The following TAS2R1 variants were observed in gnomAD, a reference collection of about 807,000 sequenced individuals.
The protein encoded by TAS2R1 is taste receptor type 2 member 1.
For synonymous variants in TAS2R1, 141 were observed against 134.2 expected (o/e 1.05, Z -0.35); for missense variants, 370 against 353.4 (o/e 1.05, Z -0.38).
rs1277619625 is a variant in TAS2R1, at chr5:9,627,412, C to T, written c.*1721G>A. ...CATTTCTTGATAACAGTATAAAAACCTAGTCATATCTTAATAGTTATCTAA... is the reference window on the plus strand; with the variant it reads ...CATTTCTTGATAACAGTATAAAAACTTAGTCATATCTTAATAGTTATCTAA... On this transcript the variant is annotated 3_prime_UTR_variant, in exon 1 of 1. Transcript: ENST00000382492. Among the ~76,000 whole-genome samples, 1 of 151,592 alleles carries T rather than the reference C, an allele frequency of 6.6e-6. No homozygotes were observed. Among genetic ancestry groups the T allele is most frequent in the Non-Finnish European group, 1.5e-5 (1 of 67,982 alleles).
the TAS2R1 span, among the ~76,000 whole-genome samples, chr5:9,760,374 A>G: frequency 1.3e-5 from 2 of 152,206 alleles, no homozygotes; most frequent in Non-Finnish European, 2.9e-5. Context: ...TATCAAAACC[A>G]TGCAAAGACA....
At chr5:9,704,573 A>G (rs1419465068) in intron 1 of TAS2R1, among the ~76,000 whole-genome samples, 1 of 150,070 alleles carries the variant, frequency 6.7e-6, no homozygotes, top group Non-Finnish European at 1.5e-5. Flanking sequence ...GCAGAAACAT[A>G]CAGATTTCAA....
chr5:9,765,179 C>T, the TAS2R1 span, among the ~76,000 whole-genome samples: 1 of 152,092 alleles, frequency 6.6e-6, no homozygotes, highest in Non-Finnish European at 1.5e-5. Context: ...CTACACTGAG[C>T]AGATGGCTCT....
chr5:9,773,431 A>T, the TAS2R1 span, among the ~76,000 whole-genome samples: 1 of 152,092 alleles, frequency 6.6e-6, no homozygotes, highest in East Asian at 1.9e-4. Context: ...TAGTCTTTAT[A>T]TTTAAGATAT....
At chr5:9,857,593 T>C in the TAS2R1 span, among the ~76,000 whole-genome samples, 1 of 152,178 alleles carries the variant, frequency 6.6e-6, no homozygotes, top group African/African-American at 2.4e-5. Context: ...GGAAAATAAA[T>C]AAATTTAATA....
the TAS2R1 span, among the ~76,000 whole-genome samples, chr5:9,778,253 G>A: frequency 2.6e-5 from 4 of 152,238 alleles, no homozygotes; most frequent in South Asian, 2.1e-4. Context: ...AGTAGATCTC[G>A]ATGGTGGGCT....
the TAS2R1 span, among the ~76,000 whole-genome samples, chr5:9,871,215 A>T: frequency 1.3e-5 from 2 of 152,176 alleles, no homozygotes; most frequent in Non-Finnish European, 2.9e-5. Context: ...TGGATTAAGA[A>T]AGCCAATGAA....
chr5:9,796,997 T>C, the TAS2R1 span, among the ~76,000 whole-genome samples: 6 of 152,282 alleles, frequency 3.9e-5, no homozygotes, highest in African/African-American at 1.4e-4. Flanking sequence ...GCTCCATATA[T>C]AGGCAACGTG....
At chr5:9,884,193 G>A in the TAS2R1 span, among the ~76,000 whole-genome samples, 1 of 151,868 alleles carries the variant, frequency 6.6e-6, no homozygotes, top group African/African-American at 2.4e-5. Context: ...CCCCTTCTTA[G>A]GGCCAGGCGT....
chr5:9,692,674 A>T (rs77609111), intron 1 of TAS2R1, among the ~76,000 whole-genome samples: 1,565 of 152,330 alleles, frequency 0.01, 27 homozygotes, highest in African/African-American at 0.036. Flanking sequence ...TCTTCATGAC[A>T]TAATGAGAAG....
chr5:9,744,820 A>C, the TAS2R1 span, among the ~76,000 whole-genome samples: 4 of 152,318 alleles, frequency 2.6e-5, no homozygotes, highest in East Asian at 1.9e-4. Flanking sequence ...ATTTTGACTC[A>C]GTTACTGTGC....
chr5:9,878,810 T>C, the TAS2R1 span, among the ~76,000 whole-genome samples: 2 of 152,222 alleles, frequency 1.3e-5, no homozygotes, highest in Admixed American at 1.3e-4. Flanking sequence ...AGGAACTGTG[T>C]CAACTAAGCT....
intron 1 of TAS2R1, among the ~76,000 whole-genome samples, chr5:9,711,925 T>C (rs1041619907): frequency 4.2e-4 from 63 of 151,084 alleles, no homozygotes; most frequent in African/African-American, 1.5e-3. Context: ...CTCGGCCTCC[T>C]GAAGTGCTGG....
At chr5:9,750,428 G>A in the TAS2R1 span, among the ~76,000 whole-genome samples, 7 of 152,042 alleles carry the variant, frequency 4.6e-5, no homozygotes, top group Non-Finnish European at 8.8e-5. Context: ...TGCTCTGAAC[G>A]TGGCCCACAT....
At position 9,627,535 on chromosome 5, in the gene TAS2R1, C is replaced by T. The variant is rs963910175; in HGVS notation, c.*1598G>A. On this transcript the variant is annotated 3_prime_UTR_variant, in exon 1 of 1. Coordinates refer to ENST00000382492, the MANE Select transcript of TAS2R1 (RefSeq NM_019599.3). ...AGAGTTGTATCATGACAAATTTCTC[C>T]CTGAATGTTTGAAATTGCTCCCACT... 6.6e-6 allele frequency among the ~76,000 whole-genome samples: 1 copy of T among 152,062 alleles called. No individual in the cohort carries two copies. The highest frequency in any genetic ancestry group is 1.5e-5 in the Non-Finnish European group (1 of 68,016).
At chr5:9,750,181 C>T in the TAS2R1 span, among the ~76,000 whole-genome samples, 2 of 152,192 alleles carry the variant, frequency 1.3e-5, no homozygotes, top group African/African-American at 4.8e-5. Flanking sequence ...CCTGGCTGCA[C>T]CCCTCTACGG....
At chr5:9,666,473 C>A (rs898166463) in intron 1 of TAS2R1, among the ~76,000 whole-genome samples, 3 of 152,124 alleles carry the variant, frequency 2.0e-5, no homozygotes, top group African/African-American at 7.2e-5. Flanking sequence ...GAACAAGGGG[C>A]TTCATCAATG....
chr5:9,707,793 G>A (rs114943455), intron 1 of TAS2R1, among the ~76,000 whole-genome samples: 2,481 of 152,242 alleles, frequency 0.016, 25 homozygotes, highest in Middle Eastern at 0.041. Context: ...ACAACTCAGG[G>A]AGGGAGGTGG....
the TAS2R1 span, among the ~76,000 whole-genome samples, chr5:9,741,514 T>C: frequency 2.0e-5 from 3 of 152,278 alleles, no homozygotes; most frequent in Admixed American, 6.5e-5. Flanking sequence ...TAAAATGTTA[T>C]GAAAACGAGA....
Sources: allele counts gnomAD v4.1 joint callset (sites outside exome capture counted in the v4.1 genomes callset), GRCh38; gene constraint gnomAD v4.1.1; transcripts MANE v1.5; gene names NCBI Gene and HGNC (gene_info 2026-07-23, HGNC 2026-07-21).